The following SLC24A3 variants were observed in gnomAD, a reference collection of about 807,000 sequenced individuals.
SLC24A3 encodes the protein sodium/potassium/calcium exchanger 3.
SLC24A3 carries 28 observed loss-of-function variants against 75.8 expected under a neutral mutation model. The ratio of observed to expected loss-of-function variants is 0.37; its 90% CI spans 0.27 to 0.51. SLC24A3 has a LOEUF of 0.51. Among genes scored for constraint, SLC24A3 ranks in the 20% least tolerant of loss-of-function variants. The probability of loss-of-function intolerance (pLI) is 0.94; values close to 1 mark genes in which losing one functional copy is unlikely to be tolerated. For missense variants in SLC24A3, 663 were observed against 847.8 expected, an observed-to-expected ratio of 0.78 and a Z score of 2.71; for synonymous variants, 372 against 334.1, an observed-to-expected ratio of 1.11 and a Z score of -1.24.
At chr20:19,321,337 G>A (rs969702389) in intron 2 of SLC24A3, among the ~76,000 whole-genome samples, 2 of 152,238 alleles carry the variant, frequency 1.3e-5, no homozygotes, top group Middle Eastern at 3.4e-3. Flanking sequence ...GTGATGGAGC[G>A]AACACAGCGA....
intron 2 of SLC24A3, among the ~76,000 whole-genome samples, chr20:19,293,812 T>C (rs571533518): frequency 6.6e-6 from 1 of 152,114 alleles, no homozygotes; most frequent in Non-Finnish European, 1.5e-5. Context: ...CACAATTCGA[T>C]GTGCTGTTTA....
intron 6 of SLC24A3, among the ~76,000 whole-genome samples, chr20:19,649,706 A>G (rs978264302): frequency 2.6e-5 from 4 of 152,124 alleles, no homozygotes; most frequent in African/African-American, 7.2e-5. Flanking sequence ...GAAAATCCCC[A>G]TGGGAGGCAG....
chr20:19,628,084 G>C lies in SLC24A3; in HGVS notation c.613-25978G>C, dbSNP rs940726918. On this transcript the variant is annotated intron_variant, in intron 6 of 16. Coordinates refer to ENST00000328041, the MANE Select transcript of SLC24A3 (RefSeq NM_020689.4). The stretch of plus-strand genomic sequence containing the variant: ...CCAGGCATGGTGGGGCACGCCTATA[G>C]TCCCAGCTACTCGGGAGACTGAGGC... Among the ~76,000 whole-genome samples the C allele has an allele frequency of 1.2e-4, 18 of 150,798 alleles. 1 individual carries two copies. Among genetic ancestry groups the C allele is most frequent in the Middle Eastern group, 3.2e-3 (1 of 314 alleles).
chr20:19,654,382 C>A lies in SLC24A3; in HGVS notation c.687+246C>A, dbSNP rs571643447. On this transcript the variant is annotated intron_variant, in intron 7 of 16. Transcript: ENST00000328041. The stretch of plus-strand genomic sequence containing the variant: ...GGGTCTATGAGAGTCCATGGCTGTT[C>A]TCCTGAGACCCTCGTGAGCATGGCT... 2.2e-4 allele frequency among the ~76,000 whole-genome samples: 33 copies of A among 152,210 alleles called. No individual in the cohort carries two copies. The East Asian group carries it at 5.2e-3, about 24-fold the overall frequency.
chr20:19,703,181 G>A lies in SLC24A3; in HGVS notation c.1719+4501G>A, dbSNP rs2032893672. ...TTCCTTGAGAGGGCATTTAATAAGG[G>A]AAGAATCCCTATGAAGAGAAGAACC... On this transcript the variant is annotated intron_variant, in intron 15 of 16. Transcript: ENST00000328041. Among the ~76,000 whole-genome samples, 3 of 152,262 alleles carry A rather than the reference G, an allele frequency of 2.0e-5. No individual in the cohort carries two copies. The South Asian group carries it at 6.2e-4, about 32-fold the overall frequency.
At chr20:19,602,578 C>A (rs2031541135) in intron 6 of SLC24A3, among the ~76,000 whole-genome samples, 1 of 152,158 alleles carries the variant, frequency 6.6e-6, no homozygotes, top group Non-Finnish European at 1.5e-5. Context: ...CAGGTCTGGC[C>A]AACTCTAGAA....
At chr20:19,579,670 C>G (rs1385579834) in intron 3 of SLC24A3, among the ~76,000 whole-genome samples, 1 of 152,052 alleles carries the variant, frequency 6.6e-6, no homozygotes, top group Non-Finnish European at 1.5e-5. Context: ...GAGCAGGGAC[C>G]TGAAGGGTGT....
At chr20:19,251,480 CAA>C (rs1488089794) in intron 1 of SLC24A3, among the ~76,000 whole-genome samples, 1 of 152,130 alleles carries the variant, frequency 6.6e-6, no homozygotes, top group Non-Finnish European at 1.5e-5. Context: ...CTAAGAAGCA[CAA>C]GAGAGAGAAT....
chr20:19,478,350 G>C (rs1214665801), intron 2 of SLC24A3, among the ~76,000 whole-genome samples: 5 of 152,200 alleles, frequency 3.3e-5, no homozygotes, highest in Admixed American at 1.3e-4. Flanking sequence ...TAAATGAGCT[G>C]ATAAAATGTT....
intron 10 of SLC24A3, among the ~76,000 whole-genome samples, chr20:19,682,623 G>A (rs1157770553): frequency 6.6e-6 from 1 of 152,218 alleles, no homozygotes; most frequent in Non-Finnish European, 1.5e-5. Flanking sequence ...GTAACCTCTT[G>A]AGCCTCAGTT....
rs770434310 is a variant in SLC24A3 at position 19,585,553 on chromosome 20, G to A, written c.612+9G>A. Reference sequence around the variant, plus strand: ...GGCTCTTTGCTGGGCAGGTAAGACTGGCGGCTTCTTTGTGATGGCAAAATG... The same window carrying A: ...GGCTCTTTGCTGGGCAGGTAAGACTAGCGGCTTCTTTGTGATGGCAAAATG... On this transcript the variant is annotated intron_variant, in intron 6 of 16. Transcript: ENST00000328041. 8 of 1,612,402 alleles carry A rather than the reference G, an allele frequency of 5.0e-6. 1 individual carries two copies. The African/African-American group carries it at 6.7e-5, about 13-fold the overall frequency.
chr20:19,263,206 C>G (rs1474958532), intron 1 of SLC24A3, among the ~76,000 whole-genome samples: 1 of 152,104 alleles, frequency 6.6e-6, no homozygotes, highest in Non-Finnish European at 1.5e-5. Context: ...CAGGGTAGCT[C>G]ACAGCATTGA....
chr20:19,268,451 C>T (rs1476235823), intron 1 of SLC24A3, among the ~76,000 whole-genome samples: 2 of 152,074 alleles, frequency 1.3e-5, no homozygotes, highest in Non-Finnish European at 2.9e-5. Context: ...ATTATTCTAC[C>T]ATAGATTTAA....
chr20:19,549,569 A>G (rs1051337152), intron 3 of SLC24A3, among the ~76,000 whole-genome samples: 2 of 152,210 alleles, frequency 1.3e-5, no homozygotes, highest in African/African-American at 4.8e-5. Flanking sequence ...GGATCACTTG[A>G]GGTCAGGAGT....
intron 3 of SLC24A3, among the ~76,000 whole-genome samples, chr20:19,527,361 TG>T (rs1422780815): frequency 6.6e-6 from 1 of 152,156 alleles, no homozygotes; most frequent in Non-Finnish European, 1.5e-5. Context: ...GAATGTGTAG[TG>T]TGACGGTGAA....
At chr20:19,259,757 C>A (rs1353115518) in intron 1 of SLC24A3, among the ~76,000 whole-genome samples, 1 of 152,158 alleles carries the variant, frequency 6.6e-6, no homozygotes, top group South Asian at 2.1e-4. Context: ...ACAGAAACAT[C>A]AAAACAATTA....
intron 3 of SLC24A3, among the ~76,000 whole-genome samples, chr20:19,559,864 T>C (rs1261567691): frequency 6.6e-6 from 1 of 152,126 alleles, no homozygotes; most frequent in Admixed American, 6.5e-5. Context: ...GATGAGGACT[T>C]GGGTGAAGAC....
intron 2 of SLC24A3, among the ~76,000 whole-genome samples, chr20:19,514,521 T>C (rs1028165665): frequency 3.9e-5 from 6 of 152,144 alleles, no homozygotes; most frequent in Non-Finnish European, 7.4e-5. Context: ...TGTCTGCCCA[T>C]GTGGGGCTGT....
intron 2 of SLC24A3, among the ~76,000 whole-genome samples, chr20:19,354,827 G>A (rs936817503): frequency 2.0e-5 from 3 of 152,146 alleles, no homozygotes; most frequent in Non-Finnish European, 4.4e-5. Flanking sequence ...AGAAATGTAC[G>A]ATGGTACAGC....
Sources: allele counts gnomAD v4.1 joint callset (sites outside exome capture counted in the v4.1 genomes callset), GRCh38; gene constraint gnomAD v4.1.1; transcripts MANE v1.5; gene names NCBI Gene and HGNC (gene_info 2026-07-23, HGNC 2026-07-21).